The following NCKAP5 variants were observed in gnomAD, a reference collection of about 807,000 sequenced individuals.
NCKAP5 encodes the protein nck-associated protein 5.
A neutral mutation model predicts 167.0 loss-of-function variants in NCKAP5; 92 were observed. That is an observed-to-expected ratio of 0.55 (90% CI 0.47 to 0.66). The LOEUF is 0.66. Ranked by LOEUF, NCKAP5 falls within the 30% of genes least tolerant of loss-of-function variation. NCKAP5 has a pLI of 0.00. For synonymous variants in NCKAP5, 891 were observed against 877.4 expected (o/e 1.02, Z -0.27); for missense variants, 2,378 against 2,315.0 (o/e 1.03, Z -0.56).
chr2:132,783,399 G>A lies in NCKAP5; in HGVS notation c.3412C>T (p.His1138Tyr). ...AGGCGAGTTTTCAGTCCTTTCTCAT[G>A]AGCACTTTGACAACCATGAGGGCTG... ...HNSPHGCQSAHEKGLKTRLPV... is the reference protein window; with the variant it reads ...HNSPHGCQSAYEKGLKTRLPV... Residue 1138 changes from histidine to tyrosine, a missense_variant, in exon 14 of 20, where the codon CAT (histidine) becomes TAT (tyrosine). His to Tyr is a moderately conservative substitution (Grantham distance 83). Around this residue, in one of 3 missense-constraint regions of NCKAP5, gnomAD observed 1,325 missense variants for 1,274.5 expected, o/e 1.04. Coordinates refer to ENST00000409261, the MANE Select transcript of NCKAP5 (RefSeq NM_207363.3). 6.3e-7 allele frequency: 1 copy of A among 1,598,436 alleles called. No individual in the cohort carries two copies. The highest frequency in any genetic ancestry group is 8.5e-7 in the Non-Finnish European group (1 of 1,172,648).
At chr2:133,545,708 T>G (rs1173920548) in intron 2 of NCKAP5, among the ~76,000 whole-genome samples, 2 of 152,110 alleles carry the variant, frequency 1.3e-5, no homozygotes, top group African/African-American at 4.8e-5. Flanking sequence ...TTGAAACATT[T>G]TGAAGTTATG....
intron 3 of NCKAP5, among the ~76,000 whole-genome samples, chr2:133,354,727 TATAA>T (rs1424012125): frequency 6.6e-6 from 1 of 152,210 alleles, no homozygotes; most frequent in Non-Finnish European, 1.5e-5. Context: ...TGCACAGGAC[TATAA>T]ATAACTTCTA....
chr2:132,735,701 C>T (rs1691442553), intron 16 of NCKAP5, among the ~76,000 whole-genome samples: 2 of 152,192 alleles, frequency 1.3e-5, no homozygotes, highest in South Asian at 2.1e-4. Flanking sequence ...AGCACTTAAT[C>T]CAGTCTCCTC....
intron 10 of NCKAP5, among the ~76,000 whole-genome samples, chr2:132,866,552 T>C (rs1690372431): frequency 6.6e-6 from 1 of 152,210 alleles, no homozygotes; most frequent in Non-Finnish European, 1.5e-5. Flanking sequence ...GCTAAGTTCA[T>C]GGAAATAATT....
intron 19 of NCKAP5, among the ~76,000 whole-genome samples, chr2:132,681,604 T>C (rs1466097697): frequency 6.6e-6 from 1 of 151,978 alleles, no homozygotes; most frequent in Admixed American, 6.6e-5. Context: ...CAGGTGAATA[T>C]AAAAAAAGCT....
the NCKAP5 span, among the ~76,000 whole-genome samples, chr2:133,613,510 A>C: frequency 6.6e-6 from 1 of 152,192 alleles, no homozygotes; most frequent in South Asian, 2.1e-4. Context: ...TATTCAAAAA[A>C]ATATAAGCAG....
the NCKAP5 span, among the ~76,000 whole-genome samples, chr2:133,577,586 A>G: frequency 1.3e-4 from 20 of 151,984 alleles, no homozygotes; most frequent in Non-Finnish European, 2.8e-4. Context: ...GTTACATTGT[A>G]CACATGTGCC....
intron 7 of NCKAP5, among the ~76,000 whole-genome samples, chr2:132,976,917 A>G (rs2076994488): frequency 6.6e-6 from 1 of 152,194 alleles, no homozygotes; most frequent in Non-Finnish European, 1.5e-5. Context: ...TGGCAAATAA[A>G]TAGTTATATA....
chr2:133,150,995 C>T (rs1454046852), intron 5 of NCKAP5, among the ~76,000 whole-genome samples: 2 of 152,076 alleles, frequency 1.3e-5, no homozygotes, highest in African/African-American at 4.8e-5. Context: ...TAAAGAGAAA[C>T]AGGCAAAGGT....
chr2:133,234,303 A>C (rs892161820), intron 4 of NCKAP5, among the ~76,000 whole-genome samples: 1 of 152,238 alleles, frequency 6.6e-6, no homozygotes, highest in Non-Finnish European at 1.5e-5. Context: ...ACATTCACAC[A>C]GCATGGAGCA....
the NCKAP5 span, among the ~76,000 whole-genome samples, chr2:133,647,303 C>A: frequency 6.8e-6 from 1 of 146,858 alleles, no homozygotes; most frequent in African/African-American, 2.5e-5. Context: ...TGCCACTGCA[C>A]TCCAGCCTGA....
upstream of NCKAP5, among the ~76,000 whole-genome samples, chr2:133,570,313 A>G (rs1217352336): frequency 6.6e-6 from 1 of 152,136 alleles, no homozygotes; most frequent in Non-Finnish European, 1.5e-5. Flanking sequence ...TTGTTATTAG[A>G]AATAATAATA....
chr2:133,499,376 T>C (rs1053056064), intron 3 of NCKAP5, among the ~76,000 whole-genome samples: 26 of 152,188 alleles, frequency 1.7e-4, no homozygotes, highest in African/African-American at 6.3e-4. Context: ...CAGTCATCTG[T>C]GGGTTCTAAA....
intron 3 of NCKAP5, among the ~76,000 whole-genome samples, chr2:133,480,181 C>T (rs576714667): frequency 6.6e-6 from 1 of 152,206 alleles, no homozygotes; most frequent in South Asian, 2.1e-4. Context: ...GTCCACCCAC[C>T]TCGGCCTCCC....
chr2:132,723,258 G>T (rs529914401), intron 19 of NCKAP5, among the ~76,000 whole-genome samples: 1 of 148,302 alleles, frequency 6.7e-6, no homozygotes, highest in East Asian at 2.0e-4. Flanking sequence ...CCATTCTCCT[G>T]CCTCAGAGTA....
At chr2:133,491,788 G>A (rs904733329) in intron 3 of NCKAP5, among the ~76,000 whole-genome samples, 7 of 152,160 alleles carry the variant, frequency 4.6e-5, no homozygotes, top group African/African-American at 1.7e-4. Context: ...TGAGATGGAG[G>A]CAAGAGACAG....
At chr2:132,937,055 G>C (rs940759778) in intron 8 of NCKAP5, among the ~76,000 whole-genome samples, 5 of 152,208 alleles carry the variant, frequency 3.3e-5, no homozygotes. Context: ...AGGGTAACTT[G>C]AGATCAACTT....
chr2:133,424,029 A>C (rs1181664690), intron 3 of NCKAP5, among the ~76,000 whole-genome samples: 1 of 152,196 alleles, frequency 6.6e-6, no homozygotes, highest in East Asian at 1.9e-4. Flanking sequence ...TCATGGCAGA[A>C]AAGTATAGAT....
At chr2:133,058,394 T>C (rs2079875504) in intron 6 of NCKAP5, among the ~76,000 whole-genome samples, 1 of 152,212 alleles carries the variant, frequency 6.6e-6, no homozygotes, top group African/African-American at 2.4e-5. Flanking sequence ...AGGATTACCA[T>C]TCTTCATGCC....
Sources: gnomAD v4.1 joint callset for allele counts (sites outside exome capture counted in the v4.1 genomes callset) on GRCh38, gnomAD v4.1.1 for gene constraint, gnomAD v4.1.1 regional missense constraint, MANE v1.5 for transcripts, NCBI Gene and HGNC (gene_info 2026-07-23, HGNC 2026-07-21) for gene names.